KCNT2: variants seen among roughly 807,000 people sequenced by gnomAD.
KCNT2 encodes the protein potassium sodium-activated channel subfamily T member 2.
A neutral mutation model predicts 153.8 loss-of-function variants in KCNT2; 67 were observed. The ratio of observed to expected loss-of-function variants is 0.44; its 90% CI spans 0.36 to 0.53. KCNT2 has a LOEUF of 0.53. Ranked by LOEUF, KCNT2 falls within the 20% of genes least tolerant of loss-of-function variation. KCNT2 has a pLI of 0.00. For synonymous variants in KCNT2, 500 were observed against 458.8 expected, an observed-to-expected ratio of 1.09 and a Z score of -1.15; for missense variants, 975 against 1,354.8, an observed-to-expected ratio of 0.72 and a Z score of 4.40.
chr1:196,228,320 T>C lies in KCNT2; in HGVS notation c.3312A>G (p.Pro1104=). Residue 1104 remains proline, a synonymous_variant, in exon 28 of 28, where the codon CCA becomes CCG. Coordinates refer to ENST00000294725, the MANE Select transcript of KCNT2 (RefSeq NM_198503.5). ...ELNDVVYLIR[P]DPLAYLPNSE... ...TGTTTGGAAGGTAGGCCAGTGGATC[T>C]GGTCGAATTAAGTATCTAATAAAAG... 1 of 1,601,044 alleles carries C rather than the reference T, an allele frequency of 6.2e-7. No homozygotes were observed. Among genetic ancestry groups the C allele is most frequent in the Non-Finnish European group, 8.6e-7 (1 of 1,169,584 alleles).
chr1:196,375,425 C>T (rs189308210), intron 13 of KCNT2, among the ~76,000 whole-genome samples: 19 of 151,678 alleles, frequency 1.3e-4, no homozygotes, highest in Admixed American at 5.9e-4. Flanking sequence ...GATGCAACTG[C>T]GGTGTAAATT....
At chr1:196,295,408 A>G (rs1439053206) in intron 22 of KCNT2, among the ~76,000 whole-genome samples, 5 of 151,868 alleles carry the variant, frequency 3.3e-5, no homozygotes, top group African/African-American at 1.2e-4. Context: ...AGTTACAACT[A>G]TAATTCTAAA....
intron 13 of KCNT2, among the ~76,000 whole-genome samples, chr1:196,390,596 C>T (rs538920917): frequency 1.3e-5 from 2 of 151,408 alleles, no homozygotes; most frequent in East Asian, 1.9e-4. Context: ...TTTTTGTCCT[C>T]CTCACTGCAC....
intron 12 of KCNT2, among the ~76,000 whole-genome samples, chr1:196,404,733 C>G (rs1671691528): frequency 6.6e-6 from 1 of 151,552 alleles, no homozygotes; most frequent in Non-Finnish European, 1.5e-5. Context: ...AAAGTTGGTC[C>G]TCCCTAAACT....
chr1:196,464,493 C>G (rs947979333), intron 8 of KCNT2, among the ~76,000 whole-genome samples: 2 of 151,854 alleles, frequency 1.3e-5, no homozygotes, highest in Non-Finnish European at 2.9e-5. Flanking sequence ...TTATACCTAG[C>G]TCAGTTGTAC....
chr1:196,338,216 G>A (rs1447672764), intron 16 of KCNT2, among the ~76,000 whole-genome samples: 1 of 151,952 alleles, frequency 6.6e-6, no homozygotes, highest in Non-Finnish European at 1.5e-5. Flanking sequence ...TGGGGTGTGA[G>A]GAATAGTTCC....
intron 4 of KCNT2, among the ~76,000 whole-genome samples, chr1:196,479,526 C>T (rs1678824643): frequency 6.6e-6 from 1 of 152,052 alleles, no homozygotes; most frequent in African/African-American, 2.4e-5. Context: ...AGGCTGGCTG[C>T]AGTTTACATG....
chr1:196,363,584 G>T (rs1354895668), intron 14 of KCNT2, among the ~76,000 whole-genome samples: 1 of 152,084 alleles, frequency 6.6e-6, no homozygotes, highest in Non-Finnish European at 1.5e-5. Flanking sequence ...TCATAGAATG[G>T]ATTAACATCC....
intron 1 of KCNT2, among the ~76,000 whole-genome samples, chr1:196,568,749 C>A (rs1028912869): frequency 6.7e-6 from 1 of 148,168 alleles, no homozygotes; most frequent in South Asian, 2.2e-4. Flanking sequence ...GGTCCTGAGG[C>A]TGGGGACCCC....
At chr1:196,355,071 A>G (rs796348459) in intron 14 of KCNT2, among the ~76,000 whole-genome samples, 7 of 151,892 alleles carry the variant, frequency 4.6e-5, no homozygotes, top group African/African-American at 1.7e-4. Context: ...GAAGCTTCCA[A>G]AACAGATGAG....
At chr1:196,292,528 C>T (rs962304777) in intron 22 of KCNT2, among the ~76,000 whole-genome samples, 6 of 152,148 alleles carry the variant, frequency 3.9e-5, no homozygotes, top group East Asian at 3.8e-4. Context: ...AGGAAGTGGC[C>T]GGGCGCAGTG....
At chr1:196,272,660 C>T (rs559625264) in intron 25 of KCNT2, among the ~76,000 whole-genome samples, 1 of 151,840 alleles carries the variant, frequency 6.6e-6, no homozygotes. Context: ...GCGATTAACG[C>T]CCCAAGGTGA....
At chr1:196,435,418 G>T (rs1674570396) in intron 8 of KCNT2, among the ~76,000 whole-genome samples, 1 of 150,880 alleles carries the variant, frequency 6.6e-6, no homozygotes, top group African/African-American at 2.4e-5. Flanking sequence ...AATTTGAAAT[G>T]CATTTGATTT....
At chr1:196,295,630 C>T (rs1404622690) in intron 22 of KCNT2, among the ~76,000 whole-genome samples, 4 of 151,824 alleles carry the variant, frequency 2.6e-5, no homozygotes, top group Non-Finnish European at 5.9e-5. Flanking sequence ...GGAGGATATT[C>T]CACTCCTTTT....
intron 16 of KCNT2, among the ~76,000 whole-genome samples, chr1:196,337,355 T>C (rs543453519): frequency 6.6e-6 from 1 of 152,220 alleles, no homozygotes; most frequent in East Asian, 1.9e-4. Flanking sequence ...CACTTGAAAA[T>C]AGTCTGATCC....
intron 14 of KCNT2, among the ~76,000 whole-genome samples, chr1:196,369,764 T>C (rs973795058): frequency 1.3e-5 from 2 of 152,104 alleles, no homozygotes; most frequent in African/African-American, 4.8e-5. Flanking sequence ...TTTGCTATTG[T>C]GAATAATGCC....
intron 22 of KCNT2, among the ~76,000 whole-genome samples, chr1:196,301,444 C>A (rs112881603): frequency 1.3e-5 from 2 of 152,092 alleles, no homozygotes; most frequent in African/African-American, 4.8e-5. Flanking sequence ...TATCCTTACC[C>A]CTATATCCCC....
chr1:196,420,985 A>C (rs1006566786), intron 12 of KCNT2, among the ~76,000 whole-genome samples: 2 of 152,054 alleles, frequency 1.3e-5, no homozygotes, highest in African/African-American at 4.8e-5. Flanking sequence ...ATTTAGTCAT[A>C]CATATAACCC....
At chr1:196,275,659 G>A (rs1202140934) in intron 25 of KCNT2, among the ~76,000 whole-genome samples, 1 of 151,792 alleles carries the variant, frequency 6.6e-6, no homozygotes, top group East Asian at 1.9e-4. Flanking sequence ...ATGACAGGCT[G>A]GAAAATGATG....
Sources: allele counts gnomAD v4.1 joint callset (sites outside exome capture counted in the v4.1 genomes callset), GRCh38; gene constraint gnomAD v4.1.1; transcripts MANE v1.5; gene names NCBI Gene and HGNC (gene_info 2026-07-23, HGNC 2026-07-21).